PGAP1: variants seen among roughly 807,000 people sequenced by gnomAD.
The protein encoded by PGAP1 is post-GPI attachment to proteins inositol deacylase 1, also known as GPI inositol-deacylase.
A neutral mutation model predicts 127.0 loss-of-function variants in PGAP1; 76 were observed. That is an observed-to-expected ratio of 0.60 (90% CI 0.50 to 0.72). The LOEUF is 0.72. PGAP1 is among the 30% of genes least tolerant of loss of function. The pLI, the probability that PGAP1 is intolerant of heterozygous loss-of-function variation, is 0.00. For synonymous variants in PGAP1, 362 were observed against 366.5 expected, an observed-to-expected ratio of 0.99 and a Z score of 0.14; for missense variants, 982 against 1,071.3, an observed-to-expected ratio of 0.92 and a Z score of 1.16.
intron 7 of PGAP1, among the ~76,000 whole-genome samples, chr2:196,893,811 G>A (rs909222822): frequency 2.6e-5 from 4 of 152,098 alleles, no homozygotes; most frequent in African/African-American, 9.7e-5. Flanking sequence ...ACAATAAAAA[G>A]TTGGCAACTT....
At chr2:196,870,395 C>G (rs1485181421) in intron 19 of PGAP1, among the ~76,000 whole-genome samples, 1 of 150,864 alleles carries the variant, frequency 6.6e-6, no homozygotes, top group Non-Finnish European at 1.5e-5. Context: ...CTCCCAGGTT[C>G]AAGTGATTCT....
At chr2:196,891,646 ACT>A (rs1702103477) in intron 9 of PGAP1, among the ~76,000 whole-genome samples, 1 of 152,032 alleles carries the variant, frequency 6.6e-6, no homozygotes, top group Non-Finnish European at 1.5e-5. Context: ...CACAATTATC[ACT>A]CTTTTCCCAT....
intron 1 of PGAP1, among the ~76,000 whole-genome samples, chr2:196,921,188 TAAAAA>T (rs34282392): frequency 6.9e-6 from 1 of 144,470 alleles, no homozygotes; most frequent in Non-Finnish European, 1.5e-5. Context: ...CTCGTTGTTC[TAAAAA>T]AAAAAAAAAC....
At chr2:196,889,858 C>CAAAAA (rs979436427) in intron 10 of PGAP1, among the ~76,000 whole-genome samples, 1 of 43,948 alleles carries the variant, frequency 2.3e-5, no homozygotes, top group Non-Finnish European at 5.0e-5. Context: ...GACTCCGTCT[C>CAAAAA]AAAAAAAAAA....
At chr2:196,900,934 A>G (rs554251168) in intron 5 of PGAP1, among the ~76,000 whole-genome samples, 1 of 145,650 alleles carries the variant, frequency 6.9e-6, no homozygotes, top group African/African-American at 2.4e-5. Flanking sequence ...CTCAAAAAAA[A>G]AGAAAAAAAA....
intron 3 of PGAP1, among the ~76,000 whole-genome samples, chr2:196,913,378 T>C (rs1388666318): frequency 2.6e-5 from 4 of 152,186 alleles, no homozygotes; most frequent in Non-Finnish European, 4.4e-5. Context: ...ACCAGATTAT[T>C]AGGTTTTACA....
In PGAP1 at chr2:196,847,023, T is replaced by C; in HGVS notation, c.2130A>G (p.Ser710=). ...LSSASVRLLS[S]LWLALKRPSE... Reference sequence around the variant, plus strand: ...TTTACCTTTTCAAAGCTAGCCACAATGAAGAAAGAAGTCTCACAGATGCAG... The same window carrying C: ...TTTACCTTTTCAAAGCTAGCCACAACGAAGAAAGAAGTCTCACAGATGCAG... The change falls in exon 22 of 27, where the codon TCA becomes TCG. Residue 710 remains serine (S), a synonymous_variant. Coordinates refer to ENST00000354764, the MANE Select transcript of PGAP1 (RefSeq NM_024989.4). 1.2e-6 allele frequency: 2 copies of C among 1,613,242 alleles called. No individual in the cohort carries two copies. The highest frequency in any genetic ancestry group is 8.5e-7 in the Non-Finnish European group (1 of 1,179,558).
At position 196,926,581 on chromosome 2, in the gene PGAP1, C is replaced by T. The variant is rs755772242; in HGVS notation, c.36G>A (p.Ala12=). The change falls in exon 1 of 27, where the codon GCG becomes GCA. Residue 12 remains alanine (A), a synonymous_variant. Coordinates refer to ENST00000354764, the MANE Select transcript of PGAP1 (RefSeq NM_024989.4). ...CCAGAAAGACCATGAAGACATAAAA[C>T]GCCAGGTTCCAGAGATTAACTGAGT... ...FLHSVNLWNL[A]FYVFMVFLAT... The T allele has an allele frequency of 5.4e-5, 87 of 1,614,074 alleles. No homozygotes were observed. Among genetic ancestry groups the T allele is most frequent in the Admixed American group, 2.0e-4 (12 of 60,010 alleles).
intron 2 of PGAP1, 65 bp downstream of exon 2, chr2:196,919,932 G>T: frequency 6.7e-7 from 1 of 1,488,320 alleles, no homozygotes. Context: ...CACCGAGTAT[G>T]GATATGATTC....
rs947332636 is a variant in PGAP1, at chr2:196,926,702, G to C, written c.-86C>G. 17 of 1,554,788 alleles carry C rather than the reference G, an allele frequency of 1.1e-5. No homozygotes were observed. Among genetic ancestry groups the C allele is most frequent in the East Asian group, 2.3e-5 (1 of 43,280 alleles). ...CCCCAAGCCCGGACTGAGCGTGCTAGACACTGTCCGACCGCCACCCCCGGA... is the reference window on the plus strand; with the variant it reads ...CCCCAAGCCCGGACTGAGCGTGCTACACACTGTCCGACCGCCACCCCCGGA... On this transcript the variant is annotated 5_prime_UTR_variant, in exon 1 of 27. Coordinates refer to ENST00000354764, the MANE Select transcript of PGAP1 (RefSeq NM_024989.4).
chr2:196,873,793 T>A, intron 14 of PGAP1, 35 bp from the exon 15 acceptor site: 1 of 1,409,284 alleles, frequency 7.1e-7, no homozygotes, highest in Non-Finnish European at 1.0e-6. Context: ...ACTTAGAATA[T>A]CAAGGAAGTT....
intron 11 of PGAP1, 72 bp from the exon 12 acceptor site, chr2:196,885,547 A>G (rs1701870980): frequency 8.7e-7 from 1 of 1,154,340 alleles, no homozygotes; most frequent in Non-Finnish European, 1.3e-6. Context: ...AATAAGATTC[A>G]GAGGAAAAAG....
intron 9 of PGAP1, 52 bp from the exon 10 acceptor site, chr2:196,890,963 C>T (rs768016936): frequency 2.2e-6 from 2 of 927,376 alleles, no homozygotes; most frequent in Non-Finnish European, 3.5e-6. Context: ...AGATTAGTTT[C>T]ATCATTCAAA....
chr2:196,867,932 G>A (rs1576123810), intron 19 of PGAP1, among the ~76,000 whole-genome samples: 1 of 152,118 alleles, frequency 6.6e-6, no homozygotes, highest in Non-Finnish European at 1.5e-5. Context: ...TGAGTAAAAG[G>A]GAAAAGACCA....
At position 196,872,751 on chromosome 2, in the gene PGAP1, AGGG is replaced by A. The variant is rs1576131484; in HGVS notation, c.1620-205_1620-203del. 3 of 573,790 alleles carry A rather than the reference AGGG, an allele frequency of 5.2e-6. No individual in the cohort carries two copies. In the African/African-American group the frequency reaches 5.7e-5, roughly 11 times the overall value. 35.5% of individuals were successfully genotyped at this position (573,790 alleles called of 1,614,324 possible). A position where few individuals can be genotyped will look rare whatever the true frequency, so the allele number is the denominator to read the frequency against. Reference sequence around the variant, plus strand: ...GACACAGGAGTTGCGAGAGGGTGGAAGGGGGTTCAGGTTCCAAGGAAGTAAAGT... The same window carrying A: ...GACACAGGAGTTGCGAGAGGGTGGAAGGTTCAGGTTCCAAGGAAGTAAAGT... On this transcript the variant is annotated intron_variant, in intron 17 of 26. Coordinates refer to ENST00000354764, the MANE Select transcript of PGAP1 (RefSeq NM_024989.4).
intron 19 of PGAP1, among the ~76,000 whole-genome samples, chr2:196,870,296 TTTC>T (rs1701371007): frequency 6.6e-6 from 1 of 151,384 alleles, no homozygotes; most frequent in Admixed American, 6.6e-5. Context: ...TTTTTCTTTC[TTTC>T]TTTTTTTTTT....
At position 196,847,160 on chromosome 2, in the gene PGAP1, G is replaced by A; in HGVS notation, c.1993C>T (p.Pro665Ser). The change falls in exon 22 of 27, where the codon CCA becomes TCA. Residue 665 changes from proline (P) to serine (S), a missense_variant. By Grantham distance (74) the Pro-to-Ser change is moderately conservative (BLOSUM62 -1). Transcript: ENST00000354764. ...GTTAAAATGACGGCATCTAATTCTG[G>A]TAACAATAATACATCCCACAATTCT... ...FKELWDVLLL[P>S]ELDAVILTCQ... 6.2e-7 allele frequency: 1 copy of A among 1,612,952 alleles called. No individual in the cohort carries two copies. The highest frequency in any genetic ancestry group is 8.5e-7 in the Non-Finnish European group (1 of 1,179,398).
Position 196,872,913 on chromosome 2 carries a change from T to C in PGAP1, c.1619+47A>G, listed in dbSNP as rs763405613. 8.5e-6 allele frequency: 6 copies of C among 709,538 alleles called. No individual in the cohort carries two copies. The African/African-American group carries it at 9.3e-5, about 11-fold the overall frequency. The allele number at this position is 709,538 out of a possible 1,614,324, so 44.0% of individuals were successfully genotyped here. A position where few individuals can be genotyped will look rare whatever the true frequency, so the allele number is the denominator to read the frequency against. ...ATAAATAAACTAAGCAGAATATCTA[T>C]TATTCAAAAACACCAAAGTTTAAAG... On this transcript the variant is annotated intron_variant, in intron 17 of 26. Transcript: ENST00000354764.
intron 12 of PGAP1, among the ~76,000 whole-genome samples, chr2:196,884,871 G>A (rs778582443): frequency 5.9e-5 from 9 of 152,062 alleles, no homozygotes; most frequent in Non-Finnish European, 1.2e-4. Flanking sequence ...TTGAGACTGC[G>A]CAAATAAGCC....
Sources: gnomAD v4.1 joint callset for allele counts (sites outside exome capture counted in the v4.1 genomes callset) on GRCh38, gnomAD v4.1.1 for gene constraint, MANE v1.5 for transcripts, NCBI Gene and HGNC (gene_info 2026-07-23, HGNC 2026-07-21) for gene names.